The following USP13 variants were observed in gnomAD, a reference collection of about 807,000 sequenced individuals.
USP13 encodes ubiquitin carboxyl-terminal hydrolase 13.
A neutral mutation model predicts 107.8 loss-of-function variants in USP13; 68 were observed. The observed-to-expected ratio is 0.63, with a 90% CI of 0.52 to 0.77. USP13 has a LOEUF of 0.77. Among genes scored for constraint, USP13 ranks in the 30% least tolerant of loss-of-function variants. The pLI, the probability that USP13 is intolerant of heterozygous loss-of-function variation, is 0.00. For synonymous variants in USP13, 377 were observed against 389.5 expected (o/e 0.97, Z 0.38); for missense variants, 945 against 1,093.3 (o/e 0.86, Z 1.91).
chr3:179,659,764 C>T (rs1027247006), intron 1 of USP13, among the ~76,000 whole-genome samples: 2 of 152,100 alleles, frequency 1.3e-5, no homozygotes, highest in South Asian at 2.1e-4. Flanking sequence ...TTTGGCTGGG[C>T]GCGGTGGCTC....
chr3:179,677,470 C>A (rs1381939697), intron 1 of USP13, among the ~76,000 whole-genome samples: 1 of 151,996 alleles, frequency 6.6e-6, no homozygotes, highest in African/African-American at 2.4e-5. Flanking sequence ...ATCCCAGATA[C>A]TTGGGAGGCT....
chr3:179,769,300 A>ACC (rs1715275032), intron 19 of USP13, among the ~76,000 whole-genome samples: 2 of 152,234 alleles, frequency 1.3e-5, no homozygotes, highest in Non-Finnish European at 2.9e-5. Context: ...TTATATACCT[A>ACC]ATTCTAGGTT....
intron 19 of USP13, among the ~76,000 whole-genome samples, chr3:179,772,600 T>C (rs1018775350): frequency 4.6e-5 from 7 of 152,184 alleles, no homozygotes; most frequent in African/African-American, 1.7e-4. Context: ...GACTGGAAAG[T>C]CACATAGACA....
Position 179,702,294 on chromosome 3 carries a change from T to C in USP13, c.477+1165T>C, listed in dbSNP as rs551197932. ...TCGGCCTCCCAAAGTGCTGGGATTATAGGCGTGAGCCACCGCGCCCGGCCT... is the reference window on the plus strand; with the variant it reads ...TCGGCCTCCCAAAGTGCTGGGATTACAGGCGTGAGCCACCGCGCCCGGCCT... On this transcript the variant is annotated intron_variant, in intron 4 of 20. Transcript: ENST00000263966. Among the ~76,000 whole-genome samples the C allele has an allele frequency of 2.3e-4, 35 of 152,292 alleles. 1 individual carries two copies. The highest frequency in any genetic ancestry group is 7.0e-4 in the African/African-American group (29 of 41,568).
At chr3:179,781,857 G>A in intron 20 of USP13, 34 bp downstream of exon 20, 1 of 1,565,698 alleles carries the variant, frequency 6.4e-7, no homozygotes, top group Non-Finnish European at 8.8e-7. Context: ...TGTTAGCTGT[G>A]ATTTATTGAG....
In USP13 at chr3:179,784,376, A is replaced by T. The variant is rs1715855636; in HGVS notation, c.*235A>T. On this transcript the variant is annotated 3_prime_UTR_variant, in exon 21 of 21. Transcript: ENST00000263966. ...GTTTTTATAAATGTTCAAAAAGATG[A>T]TGATATTTAAAAACAAAAAAAGTAT... 2 of 388,596 alleles carry T rather than the reference A, an allele frequency of 5.1e-6. No homozygotes were observed. The highest frequency in any genetic ancestry group is 8.4e-5 in the Admixed American group (2 of 23,688). 24.1% of individuals were successfully genotyped at this position (388,596 alleles called of 1,614,324 possible). A position where few individuals can be genotyped will look rare whatever the true frequency, so the allele number is the denominator to read the frequency against.
At chr3:179,778,452 A>G (rs1204407550) in intron 19 of USP13, among the ~76,000 whole-genome samples, 2 of 152,210 alleles carry the variant, frequency 1.3e-5, no homozygotes, top group East Asian at 3.9e-4. Context: ...TAGACAATAA[A>G]TACGTGCACA....
At chr3:179,724,985 T>C (rs1713460724) in intron 8 of USP13, among the ~76,000 whole-genome samples, 1 of 152,138 alleles carries the variant, frequency 6.6e-6, no homozygotes, top group Admixed American at 6.6e-5. Context: ...TTTGGGAGTC[T>C]GAGGTGGGCA....
intron 14 of USP13, among the ~76,000 whole-genome samples, chr3:179,753,294 C>T (rs1199330468): frequency 6.6e-6 from 1 of 152,156 alleles, no homozygotes; most frequent in Non-Finnish European, 1.5e-5. Flanking sequence ...TTGTTTGCCA[C>T]GTGAAATTGT....
rs368400568 is a variant in USP13, at chr3:179,785,090, T to C, written c.*949T>C. 18 of 152,304 alleles carry C rather than the reference T, an allele frequency of 1.2e-4. No homozygotes were observed. Among genetic ancestry groups the C allele is most frequent in the African/African-American group, 4.3e-4 (18 of 41,564 alleles). 9.4% of individuals were successfully genotyped at this position (152,304 alleles called of 1,614,324 possible). A position where few individuals can be genotyped will look rare whatever the true frequency, so the allele number is the denominator to read the frequency against. On this transcript the variant is annotated 3_prime_UTR_variant, in exon 21 of 21. Transcript: ENST00000263966. Reference sequence around the variant, plus strand: ...TCTCAGCAGCCCTTTCCCCAAAAGGTATGGTGTTTATTTTTAGTAAAAATA... The same window carrying C: ...TCTCAGCAGCCCTTTCCCCAAAAGGCATGGTGTTTATTTTTAGTAAAAATA...
intron 1 of USP13, among the ~76,000 whole-genome samples, chr3:179,665,979 C>T (rs754554197): frequency 1.1e-4 from 17 of 152,050 alleles, no homozygotes; most frequent in South Asian, 4.1e-4. Context: ...GAGTTACTGG[C>T]GTGGACAACT....
intron 3 of USP13, among the ~76,000 whole-genome samples, chr3:179,696,984 C>G (rs555669626): frequency 3.3e-5 from 5 of 152,230 alleles, no homozygotes; most frequent in African/African-American, 1.2e-4. Flanking sequence ...TTTGATACAT[C>G]ATAAAAAACA....
intron 6 of USP13, among the ~76,000 whole-genome samples, chr3:179,709,883 G>A (rs929543492): frequency 2.6e-5 from 4 of 152,052 alleles, no homozygotes; most frequent in East Asian, 1.9e-4. Context: ...GTTATTTTTC[G>A]ATGATGGAAT....
intron 19 of USP13, among the ~76,000 whole-genome samples, chr3:179,775,052 A>G (rs541245196): frequency 6.6e-5 from 10 of 152,022 alleles, no homozygotes; most frequent in Admixed American, 4.6e-4. Context: ...CTAGACACAG[A>G]GTGCTGATTG....
chr3:179,711,580 T>C (rs1017366227), intron 6 of USP13, among the ~76,000 whole-genome samples: 12 of 152,250 alleles, frequency 7.9e-5, no homozygotes, highest in African/African-American at 2.6e-4. Flanking sequence ...TTTAAACGTT[T>C]TTATTAAAAA....
At chr3:179,739,596 C>A (rs13080151) in intron 10 of USP13, among the ~76,000 whole-genome samples, 4 of 151,892 alleles carry the variant, frequency 2.6e-5, no homozygotes, top group African/African-American at 7.3e-5. Context: ...TTGCTCTTGT[C>A]GCCCAGGCTG....
chr3:179,731,452 G>A (rs1017971747), intron 10 of USP13, among the ~76,000 whole-genome samples: 4 of 152,042 alleles, frequency 2.6e-5, no homozygotes, highest in Non-Finnish European at 5.9e-5. Context: ...TAGTCCCTCC[G>A]TAGGACTGAG....
At position 179,740,243 on chromosome 3, in the gene USP13, T is replaced by G. The variant is rs1714139674; in HGVS notation, c.1255-4T>G. The stretch of plus-strand genomic sequence containing the variant: ...CATAAGTCCATTTCATTTTTATACA[T>G]TAGCCACAGCAGAACGGGATCTCTC... On this transcript the variant is annotated splice_polypyrimidine_tract_variant and splice_region_variant and intron_variant, in intron 10 of 20. Transcript: ENST00000263966. 1 of 1,613,800 alleles carries G rather than the reference T, an allele frequency of 6.2e-7. No individual in the cohort carries two copies.
At position 179,653,458 on chromosome 3, in the gene USP13, G is replaced by A; in HGVS notation, c.168+65G>A. On this transcript the variant is annotated intron_variant, in intron 1 of 20. Transcript: ENST00000263966. The surrounding 1 kb of genome is among the most constrained non-coding windows in gnomAD (Gnocchi z 4.0). Reference sequence around the variant, plus strand: ...GCCTGCGGCACGTGAAGCCGGGGGAGAAGATGCGCAGTGGCGGCCGGGACC... The same window carrying A: ...GCCTGCGGCACGTGAAGCCGGGGGAAAAGATGCGCAGTGGCGGCCGGGACC... The A allele has an allele frequency of 6.6e-7, 1 of 1,520,596 alleles. No homozygotes were observed. The highest frequency in any genetic ancestry group is 8.9e-7 in the Non-Finnish European group (1 of 1,129,494). The allele number at this position is 1,520,596 out of a possible 1,614,324, so 94.2% of individuals were successfully genotyped here. A position where few individuals can be genotyped will look rare whatever the true frequency, so the allele number is the denominator to read the frequency against.
Sources: gnomAD v4.1 joint callset for allele counts (sites outside exome capture counted in the v4.1 genomes callset) on GRCh38, gnomAD v4.1.1 for gene constraint, Gnocchi (gnomAD v3.1) non-coding constraint, MANE v1.5 for transcripts, NCBI Gene and HGNC (gene_info 2026-07-23, HGNC 2026-07-21) for gene names.